The following RAE1 variants were observed in gnomAD, a reference collection of about 807,000 sequenced individuals.
The protein encoded by RAE1 is ribonucleic acid export 1.
Under a neutral mutation model 52.7 loss-of-function variants are expected in RAE1, and 13 were observed. The ratio of observed to expected loss-of-function variants is 0.25; its 90% CI spans 0.16 to 0.39. The LOEUF is 0.39. Ranked by LOEUF, RAE1 falls within the 10% of genes least tolerant of loss-of-function variation. RAE1 has a pLI of 1.00. For missense variants in RAE1, 262 were observed against 459.8 expected (o/e 0.57, Z 3.93); for synonymous variants, 164 against 153.1 (o/e 1.07, Z -0.52).
chr20:57,374,169 C>T (rs113274343), intron 10 of RAE1, among the ~76,000 whole-genome samples: 2,400 of 152,296 alleles, frequency 0.016, 18 homozygotes, highest in Non-Finnish European at 0.024. Context: ...CGTGAGCCAC[C>T]GCACTTGGCC....
intron 11 of RAE1, among the ~76,000 whole-genome samples, chr20:57,377,613 C>T (rs1387101122): frequency 2.0e-5 from 3 of 152,192 alleles, no homozygotes; most frequent in African/African-American, 7.2e-5. Context: ...GCGGGGTGTC[C>T]TCCTTCATCC....
At chr20:57,375,807 G>A (rs1042440936) in intron 11 of RAE1, among the ~76,000 whole-genome samples, 5 of 152,104 alleles carry the variant, frequency 3.3e-5, no homozygotes, top group African/African-American at 4.8e-5. Context: ...TGTCTGTGCC[G>A]GTCACTCACC....
rs531320550 is a variant in RAE1, at chr20:57,367,092, A to C, written c.534+13A>C. On this transcript the variant is annotated intron_variant, in intron 7 of 11. Transcript: ENST00000395841. The stretch of plus-strand genomic sequence containing the variant: ...CTGTGCTGACGTGGTAAGGGATTTC[A>C]ACTTAATATGTATTTACTTTAAAAA... The C allele has an allele frequency of 6.5e-7, 1 of 1,542,872 alleles. No individual in the cohort carries two copies. Among genetic ancestry groups the C allele is most frequent in the Non-Finnish European group, 8.9e-7 (1 of 1,126,466 alleles).
intron 3 of RAE1, among the ~76,000 whole-genome samples, chr20:57,355,717 A>C (rs1482395369): frequency 6.6e-6 from 1 of 152,234 alleles, no homozygotes; most frequent in Non-Finnish European, 1.5e-5. Context: ...ATACCATTGT[A>C]AGTTTTTGGA....
rs1031843840 is a variant in RAE1 at position 57,362,172 on chromosome 20, C to T, written c.289-3184C>T. 2.6e-5 allele frequency among the ~76,000 whole-genome samples: 4 copies of T among 152,128 alleles called. 1 individual carries two copies. The highest frequency in any genetic ancestry group is 1.3e-4 in the Admixed American group (2 of 15,272). ...CCCTGGTGCCACAAAGGTTGGGGACCGCTGCTTTAATGTGATCTTATTTAG... is the reference window on the plus strand; with the variant it reads ...CCCTGGTGCCACAAAGGTTGGGGACTGCTGCTTTAATGTGATCTTATTTAG... On this transcript the variant is annotated intron_variant, in intron 4 of 11. Coordinates refer to ENST00000395841, the MANE Select transcript of RAE1 (RefSeq NM_003610.4).
At chr20:57,374,853 C>T in intron 11 of RAE1, 52 bp downstream of exon 11, 1 of 1,604,660 alleles carries the variant, frequency 6.2e-7, no homozygotes, top group Non-Finnish European at 8.5e-7. Context: ...GAGCCAGGCT[C>T]TGGGTTCAGA....
chr20:57,353,888 C>T (rs917134703), intron 1 of RAE1, 144 bp from the exon 2 acceptor site: 2 of 641,290 alleles, frequency 3.1e-6, no homozygotes, highest in African/African-American at 3.7e-5. Context: ...TGAAAGCACT[C>T]TGCTCATTGC....
intron 8 of RAE1, among the ~76,000 whole-genome samples, chr20:57,370,023 C>G (rs893802001): frequency 8.5e-5 from 13 of 152,150 alleles, no homozygotes; most frequent in African/African-American, 3.1e-4. Context: ...TCTCCTGCCG[C>G]GTAGTACTTC....
chr20:57,365,439 A>C lies in RAE1; in HGVS notation c.372A>C (p.Ala124=), dbSNP rs1325932572. The C allele has an allele frequency of 2.5e-6, 4 of 1,599,882 alleles. No homozygotes were observed. In the South Asian group the frequency reaches 4.5e-5, roughly 18 times the overall value. ...GCAGTAACCAAGCGATACAGATCGC[A>C]CAGGTAACAGAAGCCTCTGCAGAAA... ...DLSSNQAIQI[A]QHDAPVKTIH... The change falls in exon 5 of 12, where the codon GCA becomes GCC. Residue 124 remains alanine, a synonymous_variant. Transcript: ENST00000395841.
intron 4 of RAE1, chr20:57,359,412 GA>G (rs1359092466): frequency 2.5e-5 from 4 of 159,904 alleles, no homozygotes; most frequent in South Asian, 4.1e-4. Context: ...AGTCCAATGT[GA>G]TGTTAGGAGT....
chr20:57,353,019 A>G (rs1255313754), intron 1 of RAE1, among the ~76,000 whole-genome samples: 2 of 152,138 alleles, frequency 1.3e-5, no homozygotes, highest in African/African-American at 4.8e-5. Flanking sequence ...AGCTGAGGAA[A>G]CTCAAATGCC....
intron 11 of RAE1, chr20:57,375,054 T>C (rs2067092558): frequency 2.8e-6 from 2 of 702,690 alleles, no homozygotes; most frequent in Admixed American, 2.0e-5. Context: ...GCTCTGTTCC[T>C]GGGCACAGAA....
chr20:57,377,535 G>A (rs4810064), intron 11 of RAE1, among the ~76,000 whole-genome samples: 71,222 of 151,976 alleles, frequency 0.47, 20,585 homozygotes, highest in East Asian at 0.75. Flanking sequence ...CTCCGCACAC[G>A]CCTCTGGCTC....
At chr20:57,354,982 T>A (rs887549065) in intron 3 of RAE1, among the ~76,000 whole-genome samples, 166 bp downstream of exon 3, 3 of 152,238 alleles carry the variant, frequency 2.0e-5, no homozygotes, top group Non-Finnish European at 4.4e-5. Context: ...GCAGACATTA[T>A]TCTTACACCC....
intron 5 of RAE1, among the ~76,000 whole-genome samples, chr20:57,366,031 G>A (rs1362385684): frequency 6.6e-6 from 1 of 152,138 alleles, no homozygotes; most frequent in African/African-American, 2.4e-5. Flanking sequence ...TTTTCAGGAA[G>A]GCACTGCATA....
intron 7 of RAE1, among the ~76,000 whole-genome samples, chr20:57,367,609 G>A (rs897969041): frequency 5.9e-5 from 9 of 151,986 alleles, no homozygotes; most frequent in East Asian, 3.9e-4. Flanking sequence ...GCATGGTGGC[G>A]CACGTCTGTA....
At chr20:57,371,750 A>G (rs2067038737) in intron 8 of RAE1, 1 of 152,262 alleles carries the variant, frequency 6.6e-6, no homozygotes, top group Non-Finnish European at 1.5e-5. Context: ...AGAGACCTGT[A>G]CTGCTAGTGT....
intron 7 of RAE1, 26 bp downstream of exon 7, chr20:57,367,105 T>A: frequency 6.6e-7 from 1 of 1,506,494 alleles, no homozygotes; most frequent in Non-Finnish European, 9.1e-7. Context: ...TTAATATGTA[T>A]TTACTTTAAA....
chr20:57,351,978 T>C (rs1336470091), intron 1 of RAE1: 1 of 985,190 alleles, frequency 1.0e-6, no homozygotes, highest in East Asian at 1.1e-4. Context: ...GGACCCAGTA[T>C]GCATTAAGGG....
Sources: gnomAD v4.1 joint callset for allele counts (sites outside exome capture counted in the v4.1 genomes callset) on GRCh38, gnomAD v4.1.1 for gene constraint, MANE v1.5 for transcripts, NCBI Gene and HGNC (gene_info 2026-07-23, HGNC 2026-07-21) for gene names.